NOXRED1: variants seen among roughly 807,000 people sequenced by gnomAD.
NOXRED1 encodes NADP dependent oxidoreductase domain containing 1, also known as NADP-dependent oxidoreductase domain-containing protein 1.
NOXRED1 carries 20 observed loss-of-function variants against 30.4 expected under a neutral mutation model. That is an observed-to-expected ratio of 0.66 (90% CI 0.46 to 0.96). The LOEUF (loss-of-function observed/expected upper bound fraction) is 0.96, where lower values mean the gene tolerates loss of function less well. Ranked by LOEUF, NOXRED1 falls within the 40% of genes least tolerant of loss-of-function variation. The pLI, the probability that NOXRED1 is intolerant of heterozygous loss-of-function variation, is 0.00. For missense variants in NOXRED1, 374 were observed against 428.0 expected (o/e 0.87, Z 1.11); for synonymous variants, 155 against 168.0 (o/e 0.92, Z 0.60).
At chr14:77,397,977 G>A (rs1894231509) in intron 5 of NOXRED1, among the ~76,000 whole-genome samples, 2 of 152,044 alleles carry the variant, frequency 1.3e-5, no homozygotes, top group South Asian at 2.1e-4. Context: ...TTAAAAAGCT[G>A]AACTAAAAAA....
At chr14:77,397,069 CTTA>C (rs1894208130) in intron 5 of NOXRED1, among the ~76,000 whole-genome samples, 1 of 152,218 alleles carries the variant, frequency 6.6e-6, no homozygotes, top group Non-Finnish European at 1.5e-5. Flanking sequence ...TAAGTGGACA[CTTA>C]TGTTCACACA....
At position 77,397,634 on chromosome 14, in the gene NOXRED1, C is replaced by A. The variant is rs556868721; in HGVS notation, c.906-2829G>T. Reference sequence around the variant, plus strand: ...GGGTGCGGTGGCTCACACCTGTAATCCCAGCACTTTGGGAGGCCAAGGCAG... The same window carrying A: ...GGGTGCGGTGGCTCACACCTGTAATACCAGCACTTTGGGAGGCCAAGGCAG... On this transcript the variant is annotated intron_variant, in intron 5 of 5. Transcript: ENST00000380835. 2.4e-4 allele frequency among the ~76,000 whole-genome samples: 36 copies of A among 152,140 alleles called. 1 individual carries two copies. The South Asian group carries it at 7.1e-3, about 30-fold the overall frequency.
intron 2 of NOXRED1, 59 bp downstream of exon 2, chr14:77,413,875 C>T (rs1894730858): frequency 8.0e-7 from 1 of 1,252,884 alleles, no homozygotes; most frequent in African/African-American, 1.5e-5. Context: ...TTCAAAATGG[C>T]TTTGTTGACA....
chr14:77,406,678 G>A (rs1894474394), intron 4 of NOXRED1, 46 bp downstream of exon 4: 1 of 1,576,748 alleles, frequency 6.3e-7, no homozygotes, highest in Non-Finnish European at 8.7e-7. Flanking sequence ...TGGGCCAACA[G>A]GAAAGTAATT....
At chr14:77,408,359 C>A (rs1270496096) in intron 2 of NOXRED1, among the ~76,000 whole-genome samples, 1 of 151,988 alleles carries the variant, frequency 6.6e-6, no homozygotes, top group African/African-American at 2.4e-5. Flanking sequence ...CCATGCCCAG[C>A]TAATTTTTTT....
At chr14:77,417,248 T>C (rs1894854761) in intron 1 of NOXRED1, among the ~76,000 whole-genome samples, 1 of 152,218 alleles carries the variant, frequency 6.6e-6, no homozygotes, top group East Asian at 1.9e-4. Context: ...CATGTGCACT[T>C]GAAAAGAACG....
intron 1 of NOXRED1, among the ~76,000 whole-genome samples, chr14:77,419,229 T>C (rs1457705758): frequency 1.3e-5 from 2 of 150,684 alleles, no homozygotes; most frequent in Non-Finnish European, 3.0e-5. Flanking sequence ...CCTGCCACCA[T>C]GCCCAGCTAA....
intron 5 of NOXRED1, among the ~76,000 whole-genome samples, chr14:77,402,405 C>T (rs980604237): frequency 7.9e-5 from 12 of 152,212 alleles, no homozygotes; most frequent in Non-Finnish European, 1.5e-4. Context: ...GTGAGCGGAT[C>T]ACCTGAGGTC....
chr14:77,409,507 T>C (rs1894585938), intron 2 of NOXRED1, among the ~76,000 whole-genome samples: 1 of 152,168 alleles, frequency 6.6e-6, no homozygotes, highest in South Asian at 2.1e-4. Context: ...ACCTCTTTTG[T>C]TTATAAATTA....
Position 77,396,809 on chromosome 14 carries a change from A to G in NOXRED1, c.906-2004T>C, listed in dbSNP as rs182213962. ...CAAAGAATATCTAGAGAAACATACT[A>G]TATTAATGAGTGGGAAAACTCAACA... On this transcript the variant is annotated intron_variant, in intron 5 of 5. Coordinates refer to ENST00000380835, the MANE Select transcript of NOXRED1 (RefSeq NM_001113475.3). Among the ~76,000 whole-genome samples the G allele has an allele frequency of 5.6e-4, 86 of 152,352 alleles. 1 individual carries two copies. Among genetic ancestry groups the G allele is most frequent in the African/African-American group, 1.8e-3 (75 of 41,586 alleles).
In NOXRED1 at chr14:77,422,784, C is replaced by A; in HGVS notation, c.106G>T (p.Glu36Ter). 3 of 1,614,110 alleles carry A rather than the reference C, an allele frequency of 1.9e-6. No individual in the cohort carries two copies. The highest frequency in any genetic ancestry group is 2.5e-6 in the Non-Finnish European group (3 of 1,179,968). ...LQGRSRGLMI[E>*]ACAHATFFCK... ...AAGAAGGTTGCATGGGCACAAGCCT[C>A]GATCATCAGTCCCCGAGAACGGCCC... Residue 36 changes from glutamate to a stop codon, truncating the protein, a stop_gained, in exon 1 of 6, where the codon GAG (glutamate) becomes TAG (stop). Transcript: ENST00000380835. LOFTEE classifies it high-confidence loss of function.
At chr14:77,402,469 T>C (rs1214576004) in intron 5 of NOXRED1, among the ~76,000 whole-genome samples, 1 of 151,684 alleles carries the variant, frequency 6.6e-6, no homozygotes, top group African/African-American at 2.4e-5. Flanking sequence ...CTATTAAAAA[T>C]ATATAAATAC....
At chr14:77,411,174 G>A (rs1224806387) in intron 2 of NOXRED1, among the ~76,000 whole-genome samples, 2 of 151,994 alleles carry the variant, frequency 1.3e-5, no homozygotes, top group Admixed American at 6.6e-5. Flanking sequence ...CATTAAAAAC[G>A]TGGATATATT....
At position 77,423,218 on chromosome 14, in the gene NOXRED1, C is replaced by T. The variant is rs1301063360; in HGVS notation, c.-329G>A. ...GCACTGTTTTCGGCAGATGAATTTA[C>T]AACAGCAATTGAGTTTTACAGGTAT... On this transcript the variant is annotated 5_prime_UTR_variant, in exon 1 of 6. Transcript: ENST00000380835. Among the ~76,000 whole-genome samples, 2 of 152,180 alleles carry T rather than the reference C, an allele frequency of 1.3e-5. No homozygotes were observed. Among genetic ancestry groups the T allele is most frequent in the East Asian group, 3.9e-4 (2 of 5,186 alleles).
In NOXRED1 at chr14:77,406,058, C is replaced by T; in HGVS notation, c.760G>A (p.Ala254Thr). Residue 254 changes from alanine (A) to threonine (T), a missense_variant, in exon 5 of 6, where the codon GCC becomes ACC. Transcript: ENST00000380835. ...ALNICTARNM[A>T]HSQVLQLLSE... Reference sequence around the variant, plus strand: ...AGAAGCTGCAGCACTTGGGAGTGGGCCATGTTTCTTGCTGTGCATATGTTT... The same window carrying T: ...AGAAGCTGCAGCACTTGGGAGTGGGTCATGTTTCTTGCTGTGCATATGTTT... 1 of 1,613,762 alleles carries T rather than the reference C, an allele frequency of 6.2e-7. No individual in the cohort carries two copies. The highest frequency in any genetic ancestry group is 8.5e-7 in the Non-Finnish European group (1 of 1,179,794).
At chr14:77,408,230 A>G (rs1894537352) in intron 2 of NOXRED1, among the ~76,000 whole-genome samples, 1 of 151,834 alleles carries the variant, frequency 6.6e-6, no homozygotes, top group Non-Finnish European at 1.5e-5. Flanking sequence ...TTTTTTTAAG[A>G]CAGGGTCTTG....
At chr14:77,421,042 A>T (rs1894981108) in intron 1 of NOXRED1, among the ~76,000 whole-genome samples, 1 of 152,194 alleles carries the variant, frequency 6.6e-6, no homozygotes, top group African/African-American at 2.4e-5. Flanking sequence ...GCTCCAAGTC[A>T]TGTGAGACAG....
intron 4 of NOXRED1, 90 bp from the exon 5 acceptor site, chr14:77,406,225 G>A (rs1356623924): frequency 5.1e-5 from 42 of 828,170 alleles, no homozygotes; most frequent in East Asian, 4.8e-4. Flanking sequence ...GTGAATAGCC[G>A]CCTTTTTTCC....
chr14:77,409,604 C>T (rs1399115884), intron 2 of NOXRED1, among the ~76,000 whole-genome samples: 1 of 152,168 alleles, frequency 6.6e-6, no homozygotes, highest in Non-Finnish European at 1.5e-5. Context: ...ATCTATCATT[C>T]TCTCCTGTGT....
Sources: gnomAD v4.1 joint callset for allele counts (sites outside exome capture counted in the v4.1 genomes callset) on GRCh38, gnomAD v4.1.1 for gene constraint, MANE v1.5 for transcripts, NCBI Gene and HGNC (gene_info 2026-07-23, HGNC 2026-07-21) for gene names.